MAP4K3: variants seen among roughly 807,000 people sequenced by gnomAD.
MAP4K3 encodes mitogen-activated protein kinase kinase kinase kinase 3, also known as MAPK/ERK kinase kinase kinase 3.
A neutral mutation model predicts 143.5 loss-of-function variants in MAP4K3; 94 were observed. That is an observed-to-expected ratio of 0.65 (90% CI 0.55 to 0.78). MAP4K3 has a LOEUF of 0.78. MAP4K3 is among the 30% of genes least tolerant of loss of function. The pLI, the probability that MAP4K3 is intolerant of heterozygous loss-of-function variation, is 0.00. For missense variants in MAP4K3, 1,077 were observed against 1,068.1 expected (o/e 1.01, Z -0.12); for synonymous variants, 416 against 347.2 (o/e 1.20, Z -2.20).
intron 12 of MAP4K3, among the ~76,000 whole-genome samples, chr2:39,325,316 C>T (rs527920872): frequency 6.6e-6 from 1 of 152,198 alleles, no homozygotes; most frequent in East Asian, 1.9e-4. Flanking sequence ...CTATAGTCAC[C>T]TATAAGTAGT....
rs1174319224 is a variant in MAP4K3 at position 39,404,617 on chromosome 2, CTTTT to C, written c.97-26498_97-26495del. Among the ~76,000 whole-genome samples the C allele has an allele frequency of 9.4e-3, 809 of 86,102 alleles. 3 individuals carry two copies. The highest frequency in any genetic ancestry group is 0.015 in the Non-Finnish European group (652 of 44,758). 56.5% of individuals were successfully genotyped at this position (86,102 alleles called of 152,430 possible). Reference sequence around the variant, plus strand: ...TTTCTTTTTTTTTTCTTCTTTCTTTCTTTTTTTTTTTTTTTTTTTTTGAGGTGGA... The same window carrying C: ...TTTCTTTTTTTTTTCTTCTTTCTTTCTTTTTTTTTTTTTTTTTGAGGTGGA... On this transcript the variant is annotated intron_variant, in intron 1 of 33. Transcript: ENST00000263881.
intron 1 of MAP4K3, among the ~76,000 whole-genome samples, chr2:39,397,085 G>T (rs1666829749): frequency 6.6e-6 from 1 of 152,130 alleles, no homozygotes; most frequent in Non-Finnish European, 1.5e-5. Flanking sequence ...GAAATTTCAA[G>T]TCAAAATAAA....
At chr2:39,343,484 T>C (rs905872334) in intron 3 of MAP4K3, 32 bp from the exon 4 acceptor site, 1 of 1,583,352 alleles carries the variant, frequency 6.3e-7, no homozygotes, top group African/African-American at 1.3e-5. Flanking sequence ...GTATCATATT[T>C]TCATGATTAA....
intron 2 of MAP4K3, among the ~76,000 whole-genome samples, chr2:39,363,109 T>C (rs1665815720): frequency 6.6e-6 from 1 of 152,148 alleles, no homozygotes; most frequent in East Asian, 1.9e-4. Context: ...ATAAAACTCT[T>C]ATAGAAAAAC....
intron 6 of MAP4K3, among the ~76,000 whole-genome samples, chr2:39,334,000 T>TG (rs1553413759): frequency 2.6e-4 from 39 of 148,032 alleles, no homozygotes; most frequent in Admixed American, 5.4e-4. Context: ...TGTGTGTGTG[T>TG]TTTTAAAAGA....
intron 1 of MAP4K3, among the ~76,000 whole-genome samples, chr2:39,411,590 C>G (rs939283086): frequency 3.3e-5 from 5 of 152,234 alleles, no homozygotes; most frequent in African/African-American, 1.2e-4. Context: ...ATCCATTTCT[C>G]TGATGACCAC....
At chr2:39,380,960 G>A (rs79714994) in intron 1 of MAP4K3, among the ~76,000 whole-genome samples, 2,841 of 152,128 alleles carry the variant, frequency 0.019, 37 homozygotes, top group Non-Finnish European at 0.026. Flanking sequence ...AGACCCATTC[G>A]CAGTCACTCC....
intron 27 of MAP4K3, among the ~76,000 whole-genome samples, chr2:39,266,487 C>T (rs1558609278): frequency 6.6e-6 from 1 of 152,172 alleles, no homozygotes; most frequent in Non-Finnish European, 1.5e-5. Context: ...TATTATGTAA[C>T]CTTTATGATT....
intron 13 of MAP4K3, among the ~76,000 whole-genome samples, chr2:39,311,221 G>A (rs1464632563): frequency 1.3e-5 from 2 of 152,154 alleles, no homozygotes. Context: ...GGGCCTACAG[G>A]TGCGCGCCAC....
In MAP4K3 at chr2:39,356,317, C is replaced by A; in HGVS notation, c.177G>T (p.Gln59His). The part of the protein sequence containing the change: ...LEPGEDFAVV[Q>H]QEIIMMKDCK... Reference sequence around the variant, plus strand: ...AGTCTTTCATCATAATAATTTCTTGCTGCACAACTGCAAAGTCTTCTCCTG... The same window carrying A: ...AGTCTTTCATCATAATAATTTCTTGATGCACAACTGCAAAGTCTTCTCCTG... Residue 59 changes from glutamine (Q) to histidine (H), a missense_variant, in exon 3 of 34, where the codon CAG becomes CAT. Transcript: ENST00000263881. 1 of 1,597,736 alleles carries A rather than the reference C, an allele frequency of 6.3e-7. No homozygotes were observed. Among genetic ancestry groups the A allele is most frequent in the South Asian group, 1.1e-5 (1 of 87,616 alleles).
intron 1 of MAP4K3, among the ~76,000 whole-genome samples, chr2:39,407,999 ACT>A (rs1667140994): frequency 1.3e-5 from 2 of 152,182 alleles, no homozygotes; most frequent in Non-Finnish European, 2.9e-5. Flanking sequence ...AACTCCATCC[ACT>A]GTTTTGTGCA....
intron 32 of MAP4K3, 82 bp downstream of exon 32, chr2:39,254,368 A>G: frequency 9.1e-7 from 1 of 1,097,000 alleles, no homozygotes. Context: ...ATCAAGCATT[A>G]CTTGTATCAT....
chr2:39,290,019 G>C (rs1352363017), intron 19 of MAP4K3, among the ~76,000 whole-genome samples: 1 of 150,560 alleles, frequency 6.6e-6, no homozygotes, highest in Non-Finnish European at 1.5e-5. Context: ...CCCGAGAGGA[G>C]GAGGCTGCAG....
chr2:39,259,445 A>C (rs1680477931), intron 29 of MAP4K3, among the ~76,000 whole-genome samples: 2 of 152,184 alleles, frequency 1.3e-5, no homozygotes, highest in Admixed American at 6.5e-5. Context: ...TAGTGAAGTG[A>C]TGGAAGATGA....
intron 8 of MAP4K3, among the ~76,000 whole-genome samples, chr2:39,327,076 C>T (rs17023674): frequency 0.02 from 2,982 of 152,188 alleles, 92 homozygotes; most frequent in African/African-American, 0.069. Flanking sequence ...TAGACCAACA[C>T]GTCCAAAATC....
chr2:39,431,154 A>G (rs1665272310), intron 1 of MAP4K3, among the ~76,000 whole-genome samples: 1 of 152,208 alleles, frequency 6.6e-6, no homozygotes. Flanking sequence ...AATTAAGTAA[A>G]GAGTCCAACT....
At chr2:39,417,411 T>G (rs1558345698) in intron 1 of MAP4K3, among the ~76,000 whole-genome samples, 2 of 152,108 alleles carry the variant, frequency 1.3e-5, no homozygotes, top group South Asian at 4.1e-4. Context: ...AGTAGAGACG[T>G]GGTTTCACCG....
chr2:39,257,449 G>GA (rs1007033735), intron 31 of MAP4K3, among the ~76,000 whole-genome samples: 6 of 152,108 alleles, frequency 3.9e-5, no homozygotes, highest in African/African-American at 1.2e-4. Context: ...AGCACTTATA[G>GA]AAAAACCCTA....
At chr2:39,404,307 G>C (rs932965358) in intron 1 of MAP4K3, among the ~76,000 whole-genome samples, 2 of 151,806 alleles carry the variant, frequency 1.3e-5, no homozygotes, top group Non-Finnish European at 2.9e-5. Flanking sequence ...TTGGCTCTTG[G>C]ACAGCATTTC....
Sources: allele counts gnomAD v4.1 joint callset (sites outside exome capture counted in the v4.1 genomes callset), GRCh38; gene constraint gnomAD v4.1.1; transcripts MANE v1.5; gene names NCBI Gene and HGNC (gene_info 2026-07-23, HGNC 2026-07-21).